AUTS2: variants seen among roughly 807,000 people sequenced by gnomAD.
AUTS2 encodes activator of transcription and developmental regulator AUTS2.
Under a neutral mutation model 112.4 loss-of-function variants are expected in AUTS2, and 17 were observed. That is an observed-to-expected ratio of 0.15 (90% CI 0.10 to 0.23). The LOEUF is 0.23. Ranked by LOEUF, AUTS2 falls within the 10% of genes least tolerant of loss-of-function variation. The pLI is 1.00. For missense variants in AUTS2, 1,510 were observed against 1,701.6 expected (o/e 0.89, Z 1.98); for synonymous variants, 751 against 702.7 (o/e 1.07, Z -1.09).
At chr7:70,477,260 G>A (rs1797618320) in intron 5 of AUTS2, among the ~76,000 whole-genome samples, 1 of 152,144 alleles carries the variant, frequency 6.6e-6, no homozygotes, top group Non-Finnish European at 1.5e-5. Context: ...TCAGTGAGGG[G>A]TAGTGGTGTA....
At chr7:69,657,242 A>G (rs1424847054) in intron 1 of AUTS2, among the ~76,000 whole-genome samples, 3 of 152,236 alleles carry the variant, frequency 2.0e-5, no homozygotes, top group Non-Finnish European at 2.9e-5. Flanking sequence ...AAATGCAGAT[A>G]AAACCTAGTG....
intron 2 of AUTS2, among the ~76,000 whole-genome samples, chr7:69,927,750 G>T (rs1007114667): frequency 6.6e-6 from 1 of 152,240 alleles, no homozygotes; most frequent in Non-Finnish European, 1.5e-5. Flanking sequence ...TGCCCGCACA[G>T]GTACCGGCCC....
At chr7:70,464,565 A>G (rs1176498656) in intron 5 of AUTS2, among the ~76,000 whole-genome samples, 1 of 152,206 alleles carries the variant, frequency 6.6e-6, no homozygotes, top group Non-Finnish European at 1.5e-5. Context: ...GGCTAGTACA[A>G]TTAGTCTGCT....
intron 1 of AUTS2, 120 bp downstream of exon 1, chr7:69,600,082 C>T (rs1181375722): frequency 3.4e-6 from 4 of 1,159,672 alleles, no homozygotes; most frequent in Non-Finnish European, 5.0e-6. Flanking sequence ...GTCTGTCTGT[C>T]TGTCTAGGCT....
intron 5 of AUTS2, among the ~76,000 whole-genome samples, chr7:70,576,920 A>C (rs1453505707): frequency 6.6e-6 from 1 of 152,166 alleles, no homozygotes; most frequent in African/African-American, 2.4e-5. Flanking sequence ...ATCCCTTGGA[A>C]CACAGTTTGG....
intron 10 of AUTS2, among the ~76,000 whole-genome samples, chr7:70,769,461 G>A (rs1027695364): frequency 2.6e-5 from 4 of 152,192 alleles, no homozygotes; most frequent in Non-Finnish European, 5.9e-5. Flanking sequence ...CGAGGCAGGC[G>A]GATCACAAGG....
chr7:70,769,643 C>G (rs1790208492), intron 10 of AUTS2, among the ~76,000 whole-genome samples: 1 of 152,138 alleles, frequency 6.6e-6, no homozygotes, highest in Admixed American at 6.5e-5. Context: ...TGAGACGGCT[C>G]CACTGCACTC....
At chr7:70,553,760 C>CTTTTTTT (rs71531706) in intron 5 of AUTS2, among the ~76,000 whole-genome samples, 221 of 56,074 alleles carry the variant, frequency 3.9e-3, no homozygotes, top group Non-Finnish European at 4.6e-3. Context: ...GCCTTTCTTT[C>CTTTTTTT]TTTTTTTTTT....
intron 2 of AUTS2, among the ~76,000 whole-genome samples, chr7:70,026,014 A>G (rs937878474): frequency 3.9e-5 from 6 of 152,022 alleles, no homozygotes; most frequent in East Asian, 1.9e-4. Flanking sequence ...CCTCTGGCCT[A>G]TTTTTCTCAC....
At chr7:70,609,720 C>T (rs1803979121) in intron 5 of AUTS2, among the ~76,000 whole-genome samples, 1 of 152,024 alleles carries the variant, frequency 6.6e-6, no homozygotes, top group Admixed American at 6.6e-5. Context: ...AGCCACCACG[C>T]CCGGCCAGGA....
At chr7:70,271,542 TA>T (rs943106773) in intron 4 of AUTS2, among the ~76,000 whole-genome samples, 1 of 152,152 alleles carries the variant, frequency 6.6e-6, no homozygotes, top group African/African-American at 2.4e-5. Flanking sequence ...ACAGGGTTTA[TA>T]AAAAAAGATT....
At chr7:69,896,514 C>T (rs1007772439) in intron 1 of AUTS2, among the ~76,000 whole-genome samples, 4 of 151,778 alleles carry the variant, frequency 2.6e-5, no homozygotes, top group African/African-American at 7.3e-5. Flanking sequence ...TGTGATCCTT[C>T]GTGTATACCA....
In AUTS2 at chr7:69,812,318, A is replaced by G. The variant is rs1413711572; in HGVS notation, c.310-86968A>G. ...GCAAAAAACAAGTGATACTATGTTT[A>G]AGAACACTTCTTGCTATTGGCAAGA... On this transcript the variant is annotated intron_variant, in intron 1 of 18. Coordinates refer to ENST00000342771, the MANE Select transcript of AUTS2 (RefSeq NM_015570.4). Among the ~76,000 whole-genome samples the G allele has an allele frequency of 2.6e-5, 4 of 152,234 alleles. No individual in the cohort carries two copies. The South Asian group carries it at 8.3e-4, about 31-fold the overall frequency.
intron 2 of AUTS2, among the ~76,000 whole-genome samples, chr7:70,021,696 C>T (rs1178714446): frequency 1.3e-5 from 2 of 152,168 alleles, no homozygotes; most frequent in African/African-American, 4.8e-5. Context: ...CCTGCTGCTC[C>T]TCAATCTGCC....
intron 1 of AUTS2, among the ~76,000 whole-genome samples, chr7:69,742,984 A>G (rs543406814): frequency 7.9e-4 from 120 of 151,962 alleles, no homozygotes; most frequent in African/African-American, 2.8e-3. Context: ...TTAACTTTCT[A>G]CTCTACTGAT....
intron 1 of AUTS2, among the ~76,000 whole-genome samples, chr7:69,846,355 A>G (rs1792201301): frequency 6.6e-6 from 1 of 152,134 alleles, no homozygotes; most frequent in Non-Finnish European, 1.5e-5. Flanking sequence ...TCTAAGAACA[A>G]TATTTGGAAG....
intron 5 of AUTS2, among the ~76,000 whole-genome samples, chr7:70,570,938 A>T (rs1313585148): frequency 6.6e-6 from 1 of 152,028 alleles, no homozygotes; most frequent in Non-Finnish European, 1.5e-5. Context: ...CACCTCTCTA[A>T]GGCCCCATGC....
At chr7:70,695,496 C>T (rs1809035543) in intron 5 of AUTS2, among the ~76,000 whole-genome samples, 1 of 152,212 alleles carries the variant, frequency 6.6e-6, no homozygotes, top group Admixed American at 6.5e-5. Context: ...GGTTCGGCAG[C>T]GGGAGAAAGA....
At chr7:69,730,948 A>G (rs1039181711) in intron 1 of AUTS2, among the ~76,000 whole-genome samples, 7 of 152,164 alleles carry the variant, frequency 4.6e-5, no homozygotes, top group African/African-American at 9.7e-5. Context: ...GGACTACTTA[A>G]TAGTAATGAT....
Sources: gnomAD v4.1 joint callset for allele counts (sites outside exome capture counted in the v4.1 genomes callset) on GRCh38, gnomAD v4.1.1 for gene constraint, MANE v1.5 for transcripts, NCBI Gene and HGNC (gene_info 2026-07-23, HGNC 2026-07-21) for gene names.